PLEKHA8: variants seen among roughly 807,000 people sequenced by gnomAD.
The protein encoded by PLEKHA8 is pleckstrin homology domain-containing family A member 8.
In PLEKHA8, 36 loss-of-function variants were observed where a neutral mutation model predicts 68.2. The observed-to-expected ratio is 0.53, with a 90% CI of 0.40 to 0.70. PLEKHA8 has a LOEUF of 0.70. Ranked by LOEUF, PLEKHA8 falls within the 30% of genes least tolerant of loss-of-function variation. The pLI, the probability that PLEKHA8 is intolerant of heterozygous loss-of-function variation, is 0.00. For synonymous variants in PLEKHA8, 211 were observed against 216.1 expected (o/e 0.98, Z 0.20); for missense variants, 505 against 615.4 (o/e 0.82, Z 1.90).
chr7:30,107,283 A>G (rs192565499), intron 13 of PLEKHA8, among the ~76,000 whole-genome samples: 4 of 152,236 alleles, frequency 2.6e-5, no homozygotes, highest in South Asian at 4.1e-4. Context: ...GTTTTACAAT[A>G]TTACTTCCAC....
At chr7:30,042,528 G>A (rs1010753760) in intron 1 of PLEKHA8, among the ~76,000 whole-genome samples, 1 of 152,202 alleles carries the variant, frequency 6.6e-6, no homozygotes, top group Non-Finnish European at 1.5e-5. Context: ...CGTCATGGGA[G>A]TGAAAAGATG....
intron 1 of PLEKHA8, among the ~76,000 whole-genome samples, chr7:30,034,540 T>A (rs1172121581): frequency 6.6e-6 from 1 of 152,196 alleles, no homozygotes; most frequent in East Asian, 1.9e-4. Flanking sequence ...ACTGCATTCC[T>A]ACAATAAAGT....
intron 13 of PLEKHA8, among the ~76,000 whole-genome samples, chr7:30,118,962 A>G (rs1796651644): frequency 6.6e-6 from 1 of 152,238 alleles, no homozygotes; most frequent in African/African-American, 2.4e-5. Context: ...AAATTCTTGT[A>G]CAAGAATCTG....
intron 6 of PLEKHA8, among the ~76,000 whole-genome samples, chr7:30,051,416 T>C (rs895461415): frequency 6.6e-6 from 1 of 151,576 alleles, no homozygotes; most frequent in Non-Finnish European, 1.5e-5. Flanking sequence ...TTTAAGAAAA[T>C]AGCAAATACT....
At chr7:30,095,210 C>A (rs1339132048), downstream of PLEKHA8, among the ~76,000 whole-genome samples, 1 of 152,168 alleles carries the variant, frequency 6.6e-6, no homozygotes, top group Non-Finnish European at 1.5e-5. Context: ...TTTTAAAGAT[C>A]GCCATGCTAA....
At chr7:30,074,928 T>C (rs1022771895) in intron 13 of PLEKHA8, 3 of 152,208 alleles carry the variant, frequency 2.0e-5, no homozygotes, top group African/African-American at 7.2e-5. Context: ...CAGGAGTAGA[T>C]GGCTCCTTTA....
At chr7:30,060,390 A>C (rs754177097) in intron 9 of PLEKHA8, among the ~76,000 whole-genome samples, 4 of 152,188 alleles carry the variant, frequency 2.6e-5, no homozygotes. Context: ...GTGAGCCGAG[A>C]TCATGCTACT....
At chr7:30,129,141 C>T in intron 13 of PLEKHA8, 1 of 1,350,680 alleles carries the variant, frequency 7.4e-7, no homozygotes, top group Non-Finnish European at 1.1e-6. Flanking sequence ...GAAAATATAC[C>T]TTGCTGAAAA....
intron 10 of PLEKHA8, 146 bp from the exon 11 acceptor site, chr7:30,061,751 C>T: frequency 1.3e-6 from 1 of 788,122 alleles, no homozygotes; most frequent in Non-Finnish European, 2.0e-6. Context: ...CAAATACTAT[C>T]ATGAAAACAT....
chr7:30,113,273 T>C (rs1211433735), intron 13 of PLEKHA8, among the ~76,000 whole-genome samples: 1 of 152,078 alleles, frequency 6.6e-6, no homozygotes, highest in African/African-American at 2.4e-5. Context: ...GGCCTATGAA[T>C]GGTAAACTCA....
intron 13 of PLEKHA8, among the ~76,000 whole-genome samples, chr7:30,076,305 G>T (rs969599004): frequency 1.3e-5 from 2 of 151,988 alleles, no homozygotes; most frequent in African/African-American, 4.8e-5. Flanking sequence ...TATTTGCTCA[G>T]TCCTCTGTGT....
At chr7:30,074,050 G>T (rs1188830817) in intron 12 of PLEKHA8, 21 bp from the exon 13 acceptor site, 1 of 1,597,258 alleles carries the variant, frequency 6.3e-7, no homozygotes, top group Admixed American at 1.7e-5. Context: ...TGTTCCTCAT[G>T]GAGTTTTTCT....
chr7:30,098,480 C>T (rs889810951), intron 13 of PLEKHA8, among the ~76,000 whole-genome samples: 75 of 152,260 alleles, frequency 4.9e-4, no homozygotes, highest in African/African-American at 1.6e-3. Flanking sequence ...CCACCCAGTT[C>T]GAGCTTCCCG....
chr7:30,106,973 A>G (rs1271106035), intron 13 of PLEKHA8, among the ~76,000 whole-genome samples: 1 of 152,156 alleles, frequency 6.6e-6, no homozygotes, highest in Non-Finnish European at 1.5e-5. Context: ...CCAGGGTTTG[A>G]CTATATAGTG....
chr7:30,060,239 C>T (rs375204634), intron 9 of PLEKHA8, among the ~76,000 whole-genome samples: 2 of 152,118 alleles, frequency 1.3e-5, no homozygotes, highest in Non-Finnish European at 2.9e-5. Context: ...ATTAGGAGTT[C>T]GAGACCAGCC....
At chr7:30,039,976 C>A (rs1199685700) in intron 1 of PLEKHA8, among the ~76,000 whole-genome samples, 1 of 152,172 alleles carries the variant, frequency 6.6e-6, no homozygotes, top group Non-Finnish European at 1.5e-5. Context: ...GGGGAAGCAT[C>A]CTGTTTTTCA....
At chr7:30,115,798 A>G (rs1171896946) in intron 13 of PLEKHA8, 1 of 145,452 alleles carries the variant, frequency 6.9e-6, no homozygotes, top group Non-Finnish European at 1.5e-5. Context: ...GTGCACATAC[A>G]TGTATACACG....
intron 3 of PLEKHA8, among the ~76,000 whole-genome samples, chr7:30,046,838 T>C (rs1791998978): frequency 6.6e-6 from 1 of 152,214 alleles, no homozygotes; most frequent in Non-Finnish European, 1.5e-5. Flanking sequence ...CTGCTCCTCC[T>C]CCCTTTTTTT....
At chr7:30,114,527 G>A (rs147168442) in intron 13 of PLEKHA8, among the ~76,000 whole-genome samples, 1 of 152,292 alleles carries the variant, frequency 6.6e-6, no homozygotes, top group Non-Finnish European at 1.5e-5. Context: ...ATCTTTTAGG[G>A]CTTTAATAAT....
Sources: allele counts gnomAD v4.1 joint callset (sites outside exome capture counted in the v4.1 genomes callset), GRCh38; gene constraint gnomAD v4.1.1; transcripts MANE v1.5; gene names NCBI Gene and HGNC (gene_info 2026-07-23, HGNC 2026-07-21).